Variants in PDE4D observed in about 807,000 individuals in gnomAD.
The protein encoded by PDE4D is phosphodiesterase 4D, also known as 3',5'-cyclic-AMP phosphodiesterase 4D.
In PDE4D, 24 loss-of-function variants were observed where a neutral mutation model predicts 87.4. The observed-to-expected ratio is 0.27, with a 90% CI of 0.20 to 0.39. The LOEUF is 0.39. Among genes scored for constraint, PDE4D ranks in the 10% least tolerant of loss-of-function variants. The pLI is 1.00. For synonymous variants in PDE4D, 384 were observed against 383.2 expected (o/e 1.00, Z -0.02); for missense variants, 714 against 1,041.0 (o/e 0.69, Z 4.32).
chr5:60,219,086 A>C (rs1044376795), intron 1 of PDE4D, among the ~76,000 whole-genome samples: 2 of 152,160 alleles, frequency 1.3e-5, no homozygotes, highest in African/African-American at 4.8e-5. Flanking sequence ...CTAATCATTA[A>C]AGTACAATAA....
At chr5:59,765,587 G>A (rs1002464328) in intron 1 of PDE4D, among the ~76,000 whole-genome samples, 3 of 152,082 alleles carry the variant, frequency 2.0e-5, no homozygotes, top group South Asian at 2.1e-4. Context: ...TGCACTTCCC[G>A]GCCTGTCTCA....
rs375609134 is a variant in PDE4D at position 60,378,898 on chromosome 5, A to AG, written c.-90+109043_-90+109044insC. ...AAGAAAGAAAGAGAGAGAGAGAGAG[A>AG]AAGAAAGAAAGAAAGAAAGCAGTAT... On this transcript the variant is annotated intron_variant, in intron 1 of 16. Transcript: ENST00000502484. Among the ~76,000 whole-genome samples, 470 of 152,050 alleles carry AG rather than the reference A, an allele frequency of 3.1e-3. 3 individuals are homozygous for AG. The highest frequency in any genetic ancestry group is 0.011 in the African/African-American group (442 of 41,480).
chr5:59,171,764 C>G (rs535014576), intron 5 of PDE4D, among the ~76,000 whole-genome samples: 1 of 137,186 alleles, frequency 7.3e-6, no homozygotes, highest in African/African-American at 2.9e-5. Context: ...GGCTCTCTCT[C>G]TCTCTATATA....
intron 6 of PDE4D, among the ~76,000 whole-genome samples, chr5:59,033,488 C>A (rs531063935): frequency 6.6e-6 from 1 of 152,266 alleles, no homozygotes; most frequent in East Asian, 1.9e-4. Flanking sequence ...TTGGTCCCTC[C>A]TGCTGAAAAA....
At chr5:60,089,356 T>C (rs1468478256) in intron 2 of PDE4D, among the ~76,000 whole-genome samples, 2 of 151,734 alleles carry the variant, frequency 1.3e-5, no homozygotes, top group Admixed American at 6.6e-5. Context: ...CTGACCACAA[T>C]TGAATAAAAC....
At chr5:60,148,298 T>C (rs1781194639) in intron 2 of PDE4D, among the ~76,000 whole-genome samples, 1 of 152,162 alleles carries the variant, frequency 6.6e-6, no homozygotes, top group African/African-American at 2.4e-5. Flanking sequence ...ATCCACAATT[T>C]AACCAACTGG....
intron 1 of PDE4D, among the ~76,000 whole-genome samples, chr5:59,350,013 T>C (rs1448772082): frequency 6.6e-6 from 1 of 152,172 alleles, no homozygotes; most frequent in Non-Finnish European, 1.5e-5. Flanking sequence ...GGGCTTTCCT[T>C]CAATTTTGAA....
chr5:59,220,732 CAAG>C (rs1470718500), intron 1 of PDE4D, among the ~76,000 whole-genome samples: 7 of 151,490 alleles, frequency 4.6e-5, no homozygotes, highest in Admixed American at 6.6e-5. Context: ...ATGAATAAAA[CAAG>C]AAGGTGATGA....
At chr5:60,489,103 A>G (rs531553194), upstream of PDE4D, among the ~76,000 whole-genome samples, 1 of 152,256 alleles carries the variant, frequency 6.6e-6, no homozygotes, top group Non-Finnish European at 1.5e-5. Flanking sequence ...TAAAATAAGA[A>G]AGCAAAAAAA....
intron 1 of PDE4D, among the ~76,000 whole-genome samples, chr5:59,331,924 A>G (rs1250569045): frequency 1.3e-5 from 2 of 152,188 alleles, no homozygotes; most frequent in East Asian, 3.9e-4. Flanking sequence ...AGTCTGAGAT[A>G]TGTTCTTCCA....
At chr5:59,101,228 C>T (rs1427599015) in intron 5 of PDE4D, among the ~76,000 whole-genome samples, 3 of 152,196 alleles carry the variant, frequency 2.0e-5, no homozygotes, top group East Asian at 3.9e-4. Context: ...CCCGACAATA[C>T]ACCATGGGAC....
intron 1 of PDE4D, among the ~76,000 whole-genome samples, chr5:60,439,766 G>A (rs1745046032): frequency 6.6e-6 from 1 of 152,006 alleles, no homozygotes; most frequent in African/African-American, 2.4e-5. Flanking sequence ...CGGCCATGCA[G>A]TCTCTCACCT....
At chr5:59,317,175 C>T (rs1020822253) in intron 1 of PDE4D, among the ~76,000 whole-genome samples, 22 of 152,158 alleles carry the variant, frequency 1.4e-4, no homozygotes, top group Admixed American at 2.6e-4. Flanking sequence ...TTTGCCTAGA[C>T]GTTGAGAGCA....
chr5:60,143,242 T>C (rs1014954029), intron 2 of PDE4D, among the ~76,000 whole-genome samples: 1 of 152,216 alleles, frequency 6.6e-6, no homozygotes, highest in Non-Finnish European at 1.5e-5. Flanking sequence ...TTCTCTGACA[T>C]GTTTGCAAAT....
chr5:59,852,226 C>T (rs1454372561), intron 1 of PDE4D, among the ~76,000 whole-genome samples: 1 of 151,982 alleles, frequency 6.6e-6, no homozygotes, highest in Non-Finnish European at 1.5e-5. Flanking sequence ...CCAATATGAT[C>T]CTACTCATCT....
chr5:59,892,911 C>G (rs1751171132), intron 1 of PDE4D, among the ~76,000 whole-genome samples: 1 of 151,422 alleles, frequency 6.6e-6, no homozygotes, highest in Non-Finnish European at 1.5e-5. Context: ...CACACACACA[C>G]ACACACACAC....
At chr5:60,407,299 C>CA (rs1251542027) in intron 1 of PDE4D, among the ~76,000 whole-genome samples, 1 of 151,764 alleles carries the variant, frequency 6.6e-6, no homozygotes, top group Non-Finnish European at 1.5e-5. Flanking sequence ...ACTCTAGCTG[C>CA]AAAAAAAGCA....
chr5:59,129,994 A>T (rs983000979), intron 5 of PDE4D, among the ~76,000 whole-genome samples: 1 of 152,230 alleles, frequency 6.6e-6, no homozygotes, highest in South Asian at 2.1e-4. Flanking sequence ...TTAAAAAATA[A>T]ATGGGGAAAA....
At chr5:59,915,077 A>C (rs1753895134) in intron 3 of PDE4D, among the ~76,000 whole-genome samples, 1 of 152,178 alleles carries the variant, frequency 6.6e-6, no homozygotes, top group South Asian at 2.1e-4. Context: ...GAGAGAATCT[A>C]TTAAAGCTTC....
Sources: allele counts gnomAD v4.1 joint callset (sites outside exome capture counted in the v4.1 genomes callset), GRCh38; gene constraint gnomAD v4.1.1; transcripts MANE v1.5; gene names NCBI Gene and HGNC (gene_info 2026-07-23, HGNC 2026-07-21).